XKR9: variants seen among roughly 807,000 people sequenced by gnomAD.
The protein encoded by XKR9 is XK-related protein 9.
Under a neutral mutation model 32.0 loss-of-function variants are expected in XKR9, and 32 were observed. The observed-to-expected ratio is 1.00, with a 90% CI of 0.76 to 1.34. The LOEUF (loss-of-function observed/expected upper bound fraction) is 1.34. Among genes scored for constraint, XKR9 ranks in the 40% most tolerant of loss-of-function variants. The pLI, the probability that XKR9 is intolerant of heterozygous loss-of-function variation, is 0.00. For missense variants in XKR9, 546 were observed against 429.7 expected (o/e 1.27, Z -2.39); for synonymous variants, 168 against 143.4 (o/e 1.17, Z -1.22).
At chr8:71,009,986 G>T in the XKR9 span, among the ~76,000 whole-genome samples, 1 of 152,198 alleles carries the variant, frequency 6.6e-6, no homozygotes, top group African/African-American at 2.4e-5. Flanking sequence ...AGAGTGAAAA[G>T]TACGGCATCA....
chr8:70,930,722 G>T, the XKR9 span, among the ~76,000 whole-genome samples: 1 of 152,146 alleles, frequency 6.6e-6, no homozygotes, highest in Non-Finnish European at 1.5e-5. Flanking sequence ...CCTAGTTAAA[G>T]GTTCATGGCG....
the XKR9 span, among the ~76,000 whole-genome samples, chr8:70,948,992 A>G: frequency 6.6e-6 from 1 of 152,314 alleles, no homozygotes; most frequent in East Asian, 1.9e-4. Flanking sequence ...GCCACTAGCT[A>G]TTTAAATTAA....
intron 4 of XKR9, among the ~76,000 whole-genome samples, chr8:70,712,891 A>G (rs1297463110): frequency 6.6e-6 from 1 of 152,154 alleles, no homozygotes; most frequent in Non-Finnish European, 1.5e-5. Flanking sequence ...AAAGTTTTCA[A>G]TGGAAAACAA....
chr8:70,681,181 T>G lies in XKR9; in HGVS notation c.123T>G (p.Ser41Arg), dbSNP rs1397185122. Reference sequence around the variant, plus strand: ...TCCATGAAGGACAGTATGTTTTTAGTGCTTTAGCGTTAAGCTTTATGCTTT... The same window carrying G: ...TCCATGAAGGACAGTATGTTTTTAGGGCTTTAGCGTTAAGCTTTATGCTTT... The part of the protein sequence containing the change: ...RFFHEGQYVF[S>R]ALALSFMLFG... The change falls in exon 3 of 5, where the codon AGT becomes AGG. Residue 41 changes from serine (S) to arginine (R), a missense_variant. Transcript: ENST00000408926. 3.7e-6 allele frequency: 6 copies of G among 1,613,504 alleles called. No individual in the cohort carries two copies. The highest frequency in any genetic ancestry group is 5.1e-6 in the Non-Finnish European group (6 of 1,179,644).
the XKR9 span, among the ~76,000 whole-genome samples, chr8:71,042,238 C>G: frequency 6.6e-6 from 1 of 152,144 alleles, no homozygotes; most frequent in East Asian, 1.9e-4. Flanking sequence ...CTAGCCATAT[C>G]TACCAAGGGA....
intron 4 of XKR9, among the ~76,000 whole-genome samples, chr8:70,725,322 G>A (rs112281400): frequency 2.6e-5 from 4 of 152,136 alleles, no homozygotes; most frequent in African/African-American, 9.7e-5. Context: ...GTGGATGGGG[G>A]AGGGAAAGGA....
chr8:70,704,909 A>AT (rs1586836561), intron 3 of XKR9, among the ~76,000 whole-genome samples: 1 of 151,660 alleles, frequency 6.6e-6, no homozygotes, highest in African/African-American at 2.4e-5. Context: ...ATGAATGACT[A>AT]TTTTTTTTCT....
the XKR9 span, among the ~76,000 whole-genome samples, chr8:70,875,443 A>G: frequency 1.3e-5 from 2 of 152,212 alleles, no homozygotes; most frequent in Non-Finnish European, 2.9e-5. Context: ...TCTCTTCACA[A>G]GGAACTTCTA....
chr8:70,956,771 C>A, the XKR9 span, among the ~76,000 whole-genome samples: 1 of 152,124 alleles, frequency 6.6e-6, no homozygotes, highest in Non-Finnish European at 1.5e-5. Flanking sequence ...CAGGTTTGGC[C>A]ATAACTTTGC....
the XKR9 span, among the ~76,000 whole-genome samples, chr8:70,808,695 A>G: frequency 6.6e-6 from 1 of 152,238 alleles, no homozygotes; most frequent in African/African-American, 2.4e-5. Context: ...AGCCTTGCTC[A>G]TTGCTAGCAC....
the XKR9 span, among the ~76,000 whole-genome samples, chr8:71,007,962 A>T: frequency 7.9e-5 from 12 of 152,284 alleles, no homozygotes; most frequent in East Asian, 2.3e-3. Flanking sequence ...ATTTAGAATA[A>T]ATGGTAAAGG....
At chr8:71,032,662 T>G in the XKR9 span, among the ~76,000 whole-genome samples, 1 of 152,202 alleles carries the variant, frequency 6.6e-6, no homozygotes. Context: ...CAAATCTCTA[T>G]TTTTAACAAT....
chr8:70,813,223 G>C, the XKR9 span, among the ~76,000 whole-genome samples: 2 of 152,198 alleles, frequency 1.3e-5, no homozygotes, highest in Non-Finnish European at 2.9e-5. Flanking sequence ...ATGGTGCTGG[G>C]AAAACTGGCT....
At chr8:70,879,129 C>A in the XKR9 span, among the ~76,000 whole-genome samples, 1 of 152,020 alleles carries the variant, frequency 6.6e-6, no homozygotes, top group Admixed American at 6.5e-5. Context: ...CACAACATAC[C>A]AGAATCTCTG....
chr8:70,941,085 G>A, the XKR9 span, among the ~76,000 whole-genome samples: 8,808 of 152,076 alleles, frequency 0.058, 375 homozygotes, highest in Non-Finnish European at 0.084. Flanking sequence ...GTTCCAAAAC[G>A]AAAACTCCAT....
At chr8:70,759,332 A>G (rs1019928811) in intron 2 of XKR9, among the ~76,000 whole-genome samples, 3 of 152,206 alleles carry the variant, frequency 2.0e-5, no homozygotes, top group Non-Finnish European at 4.4e-5. Flanking sequence ...TCAGAAAATA[A>G]TAGCTATTTT....
the XKR9 span, among the ~76,000 whole-genome samples, chr8:70,953,299 A>G: frequency 3.9e-5 from 6 of 152,152 alleles, no homozygotes; most frequent in Non-Finnish European, 8.8e-5. Context: ...CAATTTCCAT[A>G]CATTACATTA....
At chr8:70,953,846 T>C in the XKR9 span, among the ~76,000 whole-genome samples, 1 of 152,026 alleles carries the variant, frequency 6.6e-6, no homozygotes, top group Non-Finnish European at 1.5e-5. Context: ...CCCTGGCAGA[T>C]TCCCATGGTT....
chr8:70,996,647 T>G, the XKR9 span, among the ~76,000 whole-genome samples: 33 of 152,208 alleles, frequency 2.2e-4, no homozygotes, highest in African/African-American at 7.7e-4. Context: ...ATCATAACAT[T>G]GCAGAGTTGG....
Sources: gnomAD v4.1 joint callset for allele counts (sites outside exome capture counted in the v4.1 genomes callset) on GRCh38, gnomAD v4.1.1 for gene constraint, MANE v1.5 for transcripts, NCBI Gene and HGNC (gene_info 2026-07-23, HGNC 2026-07-21) for gene names.